ST13: variants seen among roughly 807,000 people sequenced by gnomAD.
ST13 encodes hsc70-interacting protein.
Under a neutral mutation model 56.7 loss-of-function variants are expected in ST13, and 23 were observed. The observed-to-expected ratio is 0.41, with a 90% CI of 0.29 to 0.57. ST13 has a LOEUF of 0.57. ST13 is among the 20% of genes least tolerant of loss of function. ST13 has a pLI of 0.36. For synonymous variants in ST13, 132 were observed against 142.4 expected (o/e 0.93, Z 0.52); for missense variants, 369 against 459.9 (o/e 0.80, Z 1.81).
rs777447560 is a variant in ST13, at chr22:40,856,550, G to A, written c.-10C>T. On this transcript the variant is annotated 5_prime_UTR_variant, in exon 1 of 12. Coordinates refer to ENST00000216218, the MANE Select transcript of ST13 (RefSeq NM_003932.5). ...CTTTGCGGGGGTCCATGGTAGGGAG[G>A]TGGTGGGCGAAACTGGGGGGGCTAC... 14 of 1,610,272 alleles carry A rather than the reference G, an allele frequency of 8.7e-6. No homozygotes were observed. The highest frequency in any genetic ancestry group is 6.7e-5 in the Admixed American group (4 of 60,010).
chr22:40,851,748 CTTT>C (rs768642763), intron 1 of ST13, among the ~76,000 whole-genome samples: 2 of 141,602 alleles, frequency 1.4e-5, no homozygotes, highest in Non-Finnish European at 1.6e-5. Flanking sequence ...AGAAAGGGTT[CTTT>C]TTTTTTTTTT....
At chr22:40,847,016 C>A (rs1419616879) in intron 3 of ST13, among the ~76,000 whole-genome samples, 3 of 151,328 alleles carry the variant, frequency 2.0e-5, no homozygotes, top group Admixed American at 6.6e-5. Flanking sequence ...CCCAAAAAAA[C>A]AACAAAAAAA....
chr22:40,844,632 A>G (rs937656997), intron 4 of ST13, among the ~76,000 whole-genome samples: 1 of 152,230 alleles, frequency 6.6e-6, no homozygotes, highest in African/African-American at 2.4e-5. Flanking sequence ...CCAGATGCAA[A>G]CTTAAAAAAC....
intron 10 of ST13, among the ~76,000 whole-genome samples, chr22:40,827,639 A>C (rs1452606410): frequency 1.3e-5 from 2 of 151,776 alleles, no homozygotes; most frequent in East Asian, 3.9e-4. Flanking sequence ...CACTATGCCT[A>C]ATTTTTATAT....
At chr22:40,840,774 C>G in intron 4 of ST13, 82 bp from the exon 5 acceptor site, 1 of 1,094,830 alleles carries the variant, frequency 9.1e-7, no homozygotes, top group Admixed American at 2.1e-5. Flanking sequence ...GGATGAGGCG[C>G]AGTCACAATA....
rs1344242973 is a variant in ST13 at position 40,824,936 on chromosome 22, G to GT, written c.*1601dup. On this transcript the variant is annotated 3_prime_UTR_variant, in exon 12 of 12. Coordinates refer to ENST00000216218, the MANE Select transcript of ST13 (RefSeq NM_003932.5). ...ACTTATTTATGATTTCAGAAATGTG[G>GT]TATTTTAGAAATGTACTCCATAGAA... 1.3e-5 allele frequency: 2 copies of GT among 152,114 alleles called. No individual in the cohort carries two copies. The highest frequency in any genetic ancestry group is 3.9e-4 in the East Asian group (2 of 5,180). The allele number at this position is 152,114 out of a possible 1,614,324, so 9.4% of individuals were successfully genotyped here.
intron 1 of ST13, among the ~76,000 whole-genome samples, chr22:40,852,267 G>T (rs1399588396): frequency 6.6e-6 from 1 of 152,190 alleles, no homozygotes; most frequent in Non-Finnish European, 1.5e-5. Context: ...TAGCCATTCT[G>T]ATAGGTGCCT....
At chr22:40,856,028 G>A (rs915130082) in intron 1 of ST13, among the ~76,000 whole-genome samples, 2 of 152,158 alleles carry the variant, frequency 1.3e-5, no homozygotes, top group Admixed American at 6.5e-5. Context: ...ATAACACGAC[G>A]TAAAGGAATA....
intron 10 of ST13, among the ~76,000 whole-genome samples, chr22:40,828,334 G>A (rs1362042427): frequency 1.3e-5 from 2 of 152,132 alleles, no homozygotes; most frequent in African/African-American, 4.8e-5. Context: ...GCTGGGCGTG[G>A]TGGCTCAAGC....
intron 5 of ST13, among the ~76,000 whole-genome samples, chr22:40,839,071 TA>T (rs989227378): frequency 2.0e-5 from 3 of 152,030 alleles, no homozygotes; most frequent in African/African-American, 7.2e-5. Context: ...AAGAGTAGAA[TA>T]AAAAACAGCT....
intron 4 of ST13, among the ~76,000 whole-genome samples, chr22:40,843,085 A>C (rs1404852795): frequency 6.6e-6 from 1 of 152,150 alleles, no homozygotes; most frequent in Non-Finnish European, 1.5e-5. Flanking sequence ...GTACCACTAC[A>C]CTCCAGCCTG....
chr22:40,835,745 T>A, intron 6 of ST13, 58 bp downstream of exon 6: 1 of 1,598,570 alleles, frequency 6.3e-7, no homozygotes, highest in South Asian at 1.1e-5. Context: ...GCAACTCTAT[T>A]TAAACAAATG....
chr22:40,832,086 C>T (rs2057756486), intron 8 of ST13: 2 of 433,038 alleles, frequency 4.6e-6, no homozygotes, highest in Admixed American at 2.7e-5. Flanking sequence ...GAACTCCTGA[C>T]CTCATGATCC....
At position 40,829,651 on chromosome 22, in the gene ST13, T is replaced by C. The variant is rs2057744962; in HGVS notation, c.822A>G (p.Ser274=). Residue 274 remains serine (S), a synonymous_variant, in exon 10 of 12, where the codon TCA becomes TCG. Transcript: ENST00000216218. The stretch of plus-strand genomic sequence containing the variant: ...CTGGAAAAGAGCCATACTGAGCTCC[T>C]GACTGTCGTCTGGCTTCTTCCTCCT... ...AQREEEARRQ[S]GAQYGSFPGG... 1.3e-6 allele frequency: 2 copies of C among 1,494,574 alleles called. No homozygotes were observed. The highest frequency in any genetic ancestry group is 1.8e-5 in the Admixed American group (1 of 55,258). The allele number at this position is 1,494,574 out of a possible 1,614,324, so 92.6% of individuals were successfully genotyped here. A position where few individuals can be genotyped will look rare whatever the true frequency, so the allele number is the denominator to read the frequency against.
At chr22:40,836,678 G>T (rs1365408894) in intron 5 of ST13, among the ~76,000 whole-genome samples, 1 of 152,092 alleles carries the variant, frequency 6.6e-6, no homozygotes, top group Non-Finnish European at 1.5e-5. Flanking sequence ...AAGAAAACTA[G>T]AATTCATAAA....
At chr22:40,840,959 C>T (rs1048162889) in intron 4 of ST13, among the ~76,000 whole-genome samples, 11 of 152,144 alleles carry the variant, frequency 7.2e-5, no homozygotes, top group African/African-American at 2.2e-4. Context: ...AGCATACCAG[C>T]TCCTACCTAG....
chr22:40,840,485 G>T, intron 5 of ST13, 141 bp downstream of exon 5: 1 of 656,972 alleles, frequency 1.5e-6, no homozygotes, highest in South Asian at 2.0e-5. Context: ...TTATCAATGA[G>T]GAAGGGGTGA....
At chr22:40,838,268 C>T (rs1052689966) in intron 5 of ST13, among the ~76,000 whole-genome samples, 5 of 152,152 alleles carry the variant, frequency 3.3e-5, no homozygotes, top group African/African-American at 1.2e-4. Flanking sequence ...CTTGGTGGAG[C>T]TTGGATTCAC....
At chr22:40,843,177 A>T (rs1298364872) in intron 4 of ST13, among the ~76,000 whole-genome samples, 1 of 152,222 alleles carries the variant, frequency 6.6e-6, no homozygotes, top group African/African-American at 2.4e-5. Flanking sequence ...AAAATATTTT[A>T]AAAACACCTA....
Sources: gnomAD v4.1 joint callset for allele counts (sites outside exome capture counted in the v4.1 genomes callset) on GRCh38, gnomAD v4.1.1 for gene constraint, MANE v1.5 for transcripts, NCBI Gene and HGNC (gene_info 2026-07-23, HGNC 2026-07-21) for gene names.